BIN1: variants seen among roughly 807,000 people sequenced by gnomAD.
BIN1 encodes bridging integrator 1, also known as myc box-dependent-interacting protein 1.
In BIN1, 53 loss-of-function variants were observed where a neutral mutation model predicts 82.0. The ratio of observed to expected loss-of-function variants is 0.65; its 90% CI spans 0.52 to 0.81. BIN1 has a LOEUF of 0.81. Among genes scored for constraint, BIN1 ranks in the 40% least tolerant of loss-of-function variants. The pLI is 0.00. For missense variants in BIN1, 642 were observed against 784.4 expected (o/e 0.82, Z 2.17); for synonymous variants, 302 against 328.0 (o/e 0.92, Z 0.86).
At chr2:127,065,597 G>T (rs1002500352) in intron 7 of BIN1, among the ~76,000 whole-genome samples, 1 of 152,130 alleles carries the variant, frequency 6.6e-6, no homozygotes, top group East Asian at 1.9e-4. Context: ...CCCACATTCC[G>T]TAAGAACCTG....
rs974796988 is a variant in BIN1 at position 127,050,733 on chromosome 2, G to A, written c.1572+69C>T. On this transcript the variant is annotated intron_variant, in intron 17 of 18. Transcript: ENST00000316724. ...CTTTGGGCAAACCACAGAGTCTCCT[G>A]AGGCTCAGGGTTCTCATCTGCCCAC... The A allele has an allele frequency of 4.2e-5, 65 of 1,543,900 alleles. 1 individual carries two copies. In the South Asian group the frequency reaches 7.1e-4, roughly 17 times the overall value.
chr2:127,062,052 A>C, intron 10 of BIN1, 63 bp downstream of exon 10: 3 of 1,535,804 alleles, frequency 2.0e-6, no homozygotes, highest in Non-Finnish European at 2.6e-6. Flanking sequence ...ACAGGGTCAC[A>C]GGAAGGAGCC....
At chr2:127,064,852 C>A (rs899925030) in intron 7 of BIN1, 4 of 152,472 alleles carry the variant, frequency 2.6e-5, no homozygotes, top group African/African-American at 9.6e-5. Flanking sequence ...GAGTCACAGA[C>A]CCTGCCCGGT....
chr2:127,070,522 A>G (rs764860575), intron 4 of BIN1, 31 bp downstream of exon 4: 30 of 1,610,474 alleles, frequency 1.9e-5, no homozygotes, highest in Non-Finnish European at 2.5e-5. Flanking sequence ...GGGCCCTCTG[A>G]GAAGGGCAGG....
intron 4 of BIN1, 65 bp downstream of exon 4, chr2:127,070,488 A>G (rs1685735792): frequency 1.3e-6 from 2 of 1,574,256 alleles, no homozygotes. Context: ...GGCACGGCAG[A>G]GTGGGACAGG....
At chr2:127,050,622 G>T in intron 17 of BIN1, 100 bp from the exon 18 acceptor site, 2 of 1,408,466 alleles carry the variant, frequency 1.4e-6, no homozygotes, top group South Asian at 1.2e-5. Context: ...GCAGTATGGA[G>T]ACCAGGAGTG....
chr2:127,088,685 T>G (rs1165136569), intron 1 of BIN1, among the ~76,000 whole-genome samples: 9 of 149,170 alleles, frequency 6.0e-5, no homozygotes, highest in Non-Finnish European at 1.0e-4. Context: ...AATGCAGTGA[T>G]CCAGGACCGC....
chr2:127,062,565 C>T (rs184593473), intron 9 of BIN1, among the ~76,000 whole-genome samples: 4 of 152,320 alleles, frequency 2.6e-5, no homozygotes, highest in Admixed American at 6.5e-5. Context: ...TGCTTTCAGA[C>T]CACACTACAA....
At position 127,082,380 on chromosome 2, in the gene BIN1, G is replaced by A. The variant is rs1031151897; in HGVS notation, c.85-5674C>T. Among the ~76,000 whole-genome samples the A allele has an allele frequency of 1.3e-5, 2 of 152,208 alleles. No homozygotes were observed. The highest frequency in any genetic ancestry group is 2.9e-5 in the Non-Finnish European group (2 of 68,026). ...GCAGGATGGCCAGCTGAAGGCCTCC[G>A]TGGTCACAAGCTCTGAGGCCTTGCA... On this transcript the variant is annotated intron_variant, in intron 1 of 18. Coordinates refer to ENST00000316724, the MANE Select transcript of BIN1 (RefSeq NM_139343.3). The surrounding 1 kb of genome is among the most constrained non-coding windows in gnomAD (Gnocchi z 6.1).
intron 12 of BIN1, chr2:127,056,532 C>T (rs547076222): frequency 6.6e-6 from 1 of 152,634 alleles, no homozygotes; most frequent in Non-Finnish European, 1.5e-5. Flanking sequence ...CACCCTCCAA[C>T]CTATCCCCAC....
chr2:127,052,154 T>C, intron 15 of BIN1, 101 bp downstream of exon 15: 1 of 1,221,422 alleles, frequency 8.2e-7, no homozygotes, highest in Non-Finnish European at 1.2e-6. Flanking sequence ...ACATCCATGG[T>C]GGCCTGGTCC....
intron 1 of BIN1, among the ~76,000 whole-genome samples, chr2:127,101,029 G>A (rs1004008679): frequency 1.5e-5 from 2 of 132,768 alleles, no homozygotes; most frequent in Non-Finnish European, 3.1e-5. Flanking sequence ...AAACTCAGCT[G>A]TCTAGAGCTT....
intron 14 of BIN1, 68 bp downstream of exon 14, chr2:127,053,354 G>A: frequency 1.9e-6 from 3 of 1,596,266 alleles, no homozygotes; most frequent in Non-Finnish European, 1.7e-6. Flanking sequence ...CTAGGAGCAT[G>A]TGGGCCTGGA....
At chr2:127,061,395 A>G (rs1684470187) in intron 10 of BIN1, among the ~76,000 whole-genome samples, 1 of 152,194 alleles carries the variant, frequency 6.6e-6, no homozygotes, top group Non-Finnish European at 1.5e-5. Flanking sequence ...CCTGTTTTAC[A>G]GAGTCCATCG....
chr2:127,087,331 GC>G (rs1293218886), intron 1 of BIN1, among the ~76,000 whole-genome samples: 2 of 152,188 alleles, frequency 1.3e-5, no homozygotes, highest in African/African-American at 2.4e-5. Flanking sequence ...GAAGGCTCCC[GC>G]CCCAGAGAAC....
intron 1 of BIN1, among the ~76,000 whole-genome samples, chr2:127,092,069 G>T (rs914839099): frequency 6.8e-6 from 1 of 148,118 alleles, no homozygotes; most frequent in East Asian, 2.0e-4. Flanking sequence ...CCAGCTCTCC[G>T]CCTGGCCCCT....
At chr2:127,099,242 A>G (rs1679979159) in intron 1 of BIN1, among the ~76,000 whole-genome samples, 1 of 152,162 alleles carries the variant, frequency 6.6e-6, no homozygotes, top group Non-Finnish European at 1.5e-5. Flanking sequence ...AGGGGATGAG[A>G]TGCCTTGGTG....
At position 127,099,658 on chromosome 2, in the gene BIN1, C is replaced by T. The variant is rs561084718; in HGVS notation, c.84+7202G>A. Among the ~76,000 whole-genome samples the T allele has an allele frequency of 1.5e-3, 230 of 152,090 alleles. 2 individuals carry two copies. The highest frequency in any genetic ancestry group is 5.3e-3 in the African/African-American group (221 of 41,514). On this transcript the variant is annotated intron_variant, in intron 1 of 18. Transcript: ENST00000316724. The stretch of plus-strand genomic sequence containing the variant: ...CCTCCCAAGTAGCTGGGATTACAGG[C>T]GCATGCCACTACACCCAGCTAATTT...
intron 1 of BIN1, among the ~76,000 whole-genome samples, chr2:127,079,498 A>G (rs1415562140): frequency 6.6e-6 from 1 of 152,246 alleles, no homozygotes; most frequent in Non-Finnish European, 1.5e-5. Flanking sequence ...GATGTGAGAC[A>G]GAAGTCACAG....
Sources: gnomAD v4.1 joint callset for allele counts (sites outside exome capture counted in the v4.1 genomes callset) on GRCh38, gnomAD v4.1.1 for gene constraint, Gnocchi (gnomAD v3.1) non-coding constraint, MANE v1.5 for transcripts, NCBI Gene and HGNC (gene_info 2026-07-23, HGNC 2026-07-21) for gene names.